Variants in HERC4 observed in about 807,000 individuals in gnomAD.
HERC4 encodes the protein probable E3 ubiquitin-protein ligase HERC4.
Under a neutral mutation model 124.3 loss-of-function variants are expected in HERC4, and 28 were observed. The observed-to-expected ratio is 0.23, with a 90% confidence interval of 0.17 to 0.31. HERC4 has a LOEUF of 0.31. Ranked by LOEUF, HERC4 falls within the 10% of genes least tolerant of loss-of-function variation. The probability of loss-of-function intolerance (pLI) is 1.00; values close to 1 mark genes in which losing one functional copy is unlikely to be tolerated. For missense variants in HERC4, 713 were observed against 1,229.3 expected (o/e 0.58, Z 6.28); for synonymous variants, 407 against 421.5 (o/e 0.97, Z 0.42).
At chr10:68,029,682 T>C (rs898670055) in intron 7 of HERC4, among the ~76,000 whole-genome samples, 1 of 147,980 alleles carries the variant, frequency 6.8e-6, no homozygotes, top group Non-Finnish European at 1.5e-5. Flanking sequence ...ATAATTTTTA[T>C]ATATTATATA....
chr10:68,003,162 CT>C (rs61552989), intron 9 of HERC4, among the ~76,000 whole-genome samples: 21,437 of 145,820 alleles, frequency 0.15, 1,918 homozygotes, highest in Middle Eastern at 0.22. Flanking sequence ...TATTTTTATA[CT>C]TTTTTTTTTT....
Position 68,048,005 on chromosome 10 carries a change from G to A in HERC4, c.227-3442C>T, listed in dbSNP as rs189398557. Among the ~76,000 whole-genome samples the A allele has an allele frequency of 7.3e-4, 110 of 151,668 alleles. 1 individual carries two copies. The highest frequency in any genetic ancestry group is 2.5e-3 in the African/African-American group (102 of 41,342). On this transcript the variant is annotated intron_variant, in intron 3 of 24. Transcript: ENST00000373700. ...AGCGGCATAATCATGGCTCACTGCA[G>A]CCTCCCAGGCTCAAGCAATCCTCCC...
At chr10:68,010,332 C>A in intron 9 of HERC4, 2 of 934,874 alleles carry the variant, frequency 2.1e-6, no homozygotes, top group East Asian at 2.8e-5. Context: ...GCCTGGGGCA[C>A]CAAAATGGGG....
intron 3 of HERC4, chr10:68,069,328 T>C: frequency 3.1e-6 from 3 of 981,946 alleles, no homozygotes; most frequent in Non-Finnish European, 3.6e-6. Flanking sequence ...TTAAAGTTCT[T>C]ATGAAGAAAA....
chr10:67,928,107 A>C (rs889397390), intron 23 of HERC4, among the ~76,000 whole-genome samples: 1 of 152,160 alleles, frequency 6.6e-6, no homozygotes, highest in African/African-American at 2.4e-5. Context: ...TTGGAAAAGG[A>C]AACAAACGCC....
chr10:67,972,262 C>T (rs182219116), intron 15 of HERC4, among the ~76,000 whole-genome samples: 5,765 of 149,392 alleles, frequency 0.039, 177 homozygotes, highest in South Asian at 0.094. Flanking sequence ...TGGCTCACAC[C>T]GGTAATCCCA....
Position 67,922,958 on chromosome 10 carries a change from A to G in HERC4, c.3123T>C (p.Asp1041=). Residue 1041 remains aspartate (D), a synonymous_variant, in exon 25 of 25, where the codon GAT becomes GAC. Transcript: ENST00000373700. ...ATATTAAACTGAAGCCTTCATTGTG[A>G]TCAATAGCTTGGATCAGTTTAGAGC... ...TLRSKLIQAI[D]HNEGFSLI is the part of the protein sequence containing the mutation. The G allele has an allele frequency of 6.2e-7, 1 of 1,612,416 alleles. No individual in the cohort carries two copies. Among genetic ancestry groups the G allele is most frequent in the Non-Finnish European group, 8.5e-7 (1 of 1,178,938 alleles).
chr10:68,036,130 C>T (rs1318826525), intron 5 of HERC4, among the ~76,000 whole-genome samples: 4 of 151,668 alleles, frequency 2.6e-5, no homozygotes, highest in Non-Finnish European at 5.9e-5. Context: ...CTGGCTAACA[C>T]AGTGAAACTC....
At chr10:67,959,082 C>A in intron 16 of HERC4, 1 of 1,583,372 alleles carries the variant, frequency 6.3e-7, no homozygotes. Flanking sequence ...ATATTTTACT[C>A]TAAACATGAG....
chr10:67,972,414 G>A (rs1169322965), intron 15 of HERC4, among the ~76,000 whole-genome samples: 6 of 150,784 alleles, frequency 4.0e-5, no homozygotes, highest in East Asian at 2.0e-4. Context: ...CCAGCTACTC[G>A]GGAGGCTGAG....
chr10:67,952,987 T>C (rs1427390444), intron 19 of HERC4, among the ~76,000 whole-genome samples: 1 of 152,030 alleles, frequency 6.6e-6, no homozygotes, highest in Non-Finnish European at 1.5e-5. Flanking sequence ...TCTCCAGTGG[T>C]AACAGCTTAC....
intron 9 of HERC4, among the ~76,000 whole-genome samples, chr10:68,009,159 G>A (rs1410747637): frequency 6.6e-6 from 1 of 151,930 alleles, no homozygotes; most frequent in Non-Finnish European, 1.5e-5. Context: ...ATGAGGTGAA[G>A]GTTGCAGTAA....
chr10:68,037,682 A>C (rs1394984288), intron 5 of HERC4, among the ~76,000 whole-genome samples: 1 of 152,242 alleles, frequency 6.6e-6, no homozygotes, highest in Admixed American at 6.5e-5. Flanking sequence ...TAAACAAAAA[A>C]TGACACCATT....
At chr10:68,058,594 T>C (rs991758360) in intron 3 of HERC4, among the ~76,000 whole-genome samples, 3 of 152,202 alleles carry the variant, frequency 2.0e-5, no homozygotes, top group Admixed American at 1.3e-4. Flanking sequence ...TTAGGTTTTA[T>C]CTTTATTTTT....
At chr10:67,953,666 C>A (rs2033957795) in intron 19 of HERC4, among the ~76,000 whole-genome samples, 1 of 152,104 alleles carries the variant, frequency 6.6e-6, no homozygotes, top group African/African-American at 2.4e-5. Context: ...GAAAGCAAAA[C>A]ACAAAAAATG....
intron 3 of HERC4, among the ~76,000 whole-genome samples, chr10:68,046,204 TGAA>T (rs2040006903): frequency 6.6e-6 from 1 of 151,438 alleles, no homozygotes; most frequent in South Asian, 2.1e-4. Flanking sequence ...ATCTTAATTA[TGAA>T]GAAGTAAATG....
At chr10:68,004,601 C>T (rs2132987707) in intron 9 of HERC4, among the ~76,000 whole-genome samples, 1 of 152,188 alleles carries the variant, frequency 6.6e-6, no homozygotes, top group Non-Finnish European at 1.5e-5. Context: ...TGTTTTCATG[C>T]TGCTATAAAA....
intron 8 of HERC4, among the ~76,000 whole-genome samples, chr10:68,020,756 G>A (rs940001450): frequency 6.9e-6 from 1 of 145,060 alleles, no homozygotes. Context: ...GCGACAGAGC[G>A]AGACTCCGTC....
At chr10:67,948,125 T>C (rs1429362430) in intron 19 of HERC4, among the ~76,000 whole-genome samples, 10 of 152,152 alleles carry the variant, frequency 6.6e-5, no homozygotes, top group African/African-American at 1.9e-4. Context: ...GGGAAACTAA[T>C]AGTTGTAAAC....
Sources: gnomAD v4.1 joint callset for allele counts (sites outside exome capture counted in the v4.1 genomes callset) on GRCh38, gnomAD v4.1.1 for gene constraint, MANE v1.5 for transcripts, NCBI Gene and HGNC (gene_info 2026-07-23, HGNC 2026-07-21) for gene names.